Variants in NPFFR2 observed in about 807,000 individuals in gnomAD.
NPFFR2 encodes G-protein coupled receptor 74.
A neutral mutation model predicts 13.1 loss-of-function variants in NPFFR2; 15 were observed. The ratio of observed to expected loss-of-function variants is 1.15; its 90% CI spans 0.77 to 1.76. The LOEUF is 1.76. Among genes scored for constraint, NPFFR2 ranks in the 40% most tolerant of loss-of-function variants. NPFFR2 has a pLI of 0.00. For synonymous variants in NPFFR2, 190 were observed against 175.7 expected, an observed-to-expected ratio of 1.08 and a Z score of -0.65; for missense variants, 572 against 503.5, an observed-to-expected ratio of 1.14 and a Z score of -1.30.
chr4:72,064,132 G>T (rs920050355), intron 1 of NPFFR2, among the ~76,000 whole-genome samples: 1 of 152,212 alleles, frequency 6.6e-6, no homozygotes, highest in Non-Finnish European at 1.5e-5. Context: ...AGTACTGATG[G>T]TATATTAGTT....
intron 1 of NPFFR2, among the ~76,000 whole-genome samples, chr4:72,061,854 T>C (rs1380630811): frequency 6.6e-6 from 1 of 152,032 alleles, no homozygotes; most frequent in African/African-American, 2.4e-5. Flanking sequence ...AACACCTAGA[T>C]AATGGGTTGA....
chr4:72,130,095 A>G (rs548846852), intron 2 of NPFFR2, among the ~76,000 whole-genome samples: 1 of 148,348 alleles, frequency 6.7e-6, no homozygotes, highest in African/African-American at 2.6e-5. Flanking sequence ...TCAAGGCAGA[A>G]GAATTTTTCT....
At chr4:72,075,065 G>T (rs1356886768) in intron 1 of NPFFR2, among the ~76,000 whole-genome samples, 1 of 152,138 alleles carries the variant, frequency 6.6e-6, no homozygotes, top group Non-Finnish European at 1.5e-5. Flanking sequence ...GTCTGTGAGG[G>T]TGTTGCCAAC....
chr4:72,046,456 A>G (rs1028045313), intron 1 of NPFFR2, among the ~76,000 whole-genome samples: 1 of 152,096 alleles, frequency 6.6e-6, no homozygotes, highest in Non-Finnish European at 1.5e-5. Context: ...ACCCTTCCAC[A>G]GTGGGATATC....
chr4:72,076,857 A>G (rs1160040767), intron 1 of NPFFR2, among the ~76,000 whole-genome samples: 1 of 152,188 alleles, frequency 6.6e-6, no homozygotes, highest in Non-Finnish European at 1.5e-5. Flanking sequence ...TAATGTGATC[A>G]TGAAAAGTAA....
chr4:72,064,719 G>C (rs1034886278), intron 1 of NPFFR2, among the ~76,000 whole-genome samples: 1 of 152,110 alleles, frequency 6.6e-6, no homozygotes, highest in African/African-American at 2.4e-5. Flanking sequence ...CGGTGATAAG[G>C]ATACATGAAA....
chr4:72,086,176 G>GCAGC (rs1720765336), intron 1 of NPFFR2, among the ~76,000 whole-genome samples: 1 of 152,072 alleles, frequency 6.6e-6, no homozygotes, highest in African/African-American at 2.4e-5. Context: ...GTTGATTAAT[G>GCAGC]CAGCAATCAT....
intron 1 of NPFFR2, among the ~76,000 whole-genome samples, chr4:72,035,482 T>A (rs548349024): frequency 2.8e-5 from 4 of 143,922 alleles, no homozygotes; most frequent in African/African-American, 1.0e-4. Flanking sequence ...CTCCTTGGTA[T>A]CTTTCCATAG....
chr4:72,129,001 C>T (rs1008353184), intron 2 of NPFFR2, 82 bp downstream of exon 2: 2 of 1,068,434 alleles, frequency 1.9e-6, no homozygotes, highest in East Asian at 2.4e-5. Context: ...GCTGTTCATT[C>T]ATTCATTTAT....
chr4:72,102,578 A>C (rs949554252), intron 1 of NPFFR2, among the ~76,000 whole-genome samples: 1 of 122,512 alleles, frequency 8.2e-6, no homozygotes, highest in Non-Finnish European at 1.6e-5. Flanking sequence ...TCCTGTGTCC[A>C]TGTGTTCTCA....
intron 1 of NPFFR2, among the ~76,000 whole-genome samples, chr4:72,114,140 T>G (rs1721645990): frequency 6.6e-6 from 1 of 152,104 alleles, no homozygotes; most frequent in Admixed American, 6.6e-5. Context: ...GAATAGCCAG[T>G]CAGCAGCTTT....
At chr4:72,079,053 AACACACACACACACAC>A (rs59522916) in intron 1 of NPFFR2, among the ~76,000 whole-genome samples, 1 of 139,104 alleles carries the variant, frequency 7.2e-6, no homozygotes, top group Admixed American at 7.2e-5. Flanking sequence ...CATAGAACTA[AACACACACACACACAC>A]ACACACACAC....
At chr4:72,048,786 T>C (rs1719458614) in intron 1 of NPFFR2, among the ~76,000 whole-genome samples, 4 of 152,068 alleles carry the variant, frequency 2.6e-5, no homozygotes, top group Admixed American at 2.0e-4. Context: ...GCATGAGTTT[T>C]GTTGGAATTA....
In NPFFR2 at chr4:72,062,078, AT is replaced by A. The variant is rs11459755; in HGVS notation, c.-8+29889del. Among the ~76,000 whole-genome samples, 7 of 148,912 alleles carry A rather than the reference AT, an allele frequency of 4.7e-5. No individual in the cohort carries two copies. The East Asian group carries it at 7.8e-4, about 17-fold the overall frequency. On this transcript the variant is annotated intron_variant, in intron 1 of 3. Coordinates refer to ENST00000308744, the MANE Select transcript of NPFFR2 (RefSeq NM_004885.3). ...TCTGTTTGGAACTCTTTGGTACTCA[AT>A]TTTTTTTTTTATTTGAGGTATTTCT...
At chr4:72,092,650 A>ATAGT (rs1720949013) in intron 1 of NPFFR2, among the ~76,000 whole-genome samples, 1 of 152,108 alleles carries the variant, frequency 6.6e-6, no homozygotes, top group Admixed American at 6.6e-5. Flanking sequence ...TGGTATAGGA[A>ATAGT]TAGTTACTCC....
chr4:72,123,896 G>T (rs1054621444), intron 1 of NPFFR2, among the ~76,000 whole-genome samples: 4 of 152,158 alleles, frequency 2.6e-5, no homozygotes, highest in Non-Finnish European at 5.9e-5. Context: ...TCAACATAGT[G>T]TTGGAAGTTC....
chr4:72,037,230 TA>T (rs1365758442), intron 1 of NPFFR2, among the ~76,000 whole-genome samples: 18 of 138,654 alleles, frequency 1.3e-4, no homozygotes, highest in South Asian at 2.3e-4. Context: ...GCCTACAAAT[TA>T]AAAAAAAAAA....
intron 1 of NPFFR2, among the ~76,000 whole-genome samples, chr4:72,051,761 G>GA (rs1288718830): frequency 6.6e-6 from 1 of 151,610 alleles, no homozygotes; most frequent in African/African-American, 2.4e-5. Flanking sequence ...GACTAATAAA[G>GA]AAAAAAAGAG....
intron 1 of NPFFR2, among the ~76,000 whole-genome samples, chr4:72,102,083 T>G (rs1441178628): frequency 6.6e-6 from 1 of 152,184 alleles, no homozygotes; most frequent in Non-Finnish European, 1.5e-5. Context: ...TGGAATTTTA[T>G]GTCATTTTCA....
Sources: gnomAD v4.1 joint callset for allele counts (sites outside exome capture counted in the v4.1 genomes callset) on GRCh38, gnomAD v4.1.1 for gene constraint, MANE v1.5 for transcripts, NCBI Gene and HGNC (gene_info 2026-07-23, HGNC 2026-07-21) for gene names.